Variants in NPFFR1 observed in about 807,000 individuals in gnomAD.
NPFFR1 encodes neuropeptide FF receptor 1.
Under a neutral mutation model 12.7 loss-of-function variants are expected in NPFFR1, and 17 were observed. The ratio of observed to expected loss-of-function variants is 1.34; its 90% CI spans 0.92 to 2.01. The LOEUF (loss-of-function observed/expected upper bound fraction) is 2.01. NPFFR1 is among the 30% of genes most tolerant of loss of function. The probability of loss-of-function intolerance (pLI) is 0.00; values close to 1 mark genes in which losing one functional copy is unlikely to be tolerated. For missense variants in NPFFR1, 604 were observed against 606.5 expected, an observed-to-expected ratio of 1.00 and a Z score of 0.04; for synonymous variants, 296 against 264.5, an observed-to-expected ratio of 1.12 and a Z score of -1.16.
intron 3 of NPFFR1, among the ~76,000 whole-genome samples, chr10:70,259,396 G>A (rs1840611433): frequency 6.6e-6 from 1 of 152,224 alleles, no homozygotes; most frequent in Non-Finnish European, 1.5e-5. Flanking sequence ...ATGGGTGGAG[G>A]AGAATCTTGG....
rs761449445 is a variant in NPFFR1 at position 70,255,075 on chromosome 10, C to G, written c.1175G>C (p.Gly392Ala). The change falls in exon 4 of 4, where the codon GGG becomes GCG. Residue 392 changes from glycine to alanine, a missense_variant. Gly to Ala is a moderately conservative substitution (Grantham distance 60). Transcript: ENST00000277942. This position sits in a 1 kb window ranked among gnomAD's most constrained non-coding sequence, Gnocchi z 4.2. Reference sequence around the variant, plus strand: ...CGGGAGGCGGCCGGGCCTGGGGGCCCCACTGCTAGGGCCCGACTCAGAGGG... The same window carrying G: ...CGGGAGGCGGCCGGGCCTGGGGGCCGCACTGCTAGGGCCCGACTCAGAGGG... ...GLPSESGPSSGAPRPGRLPLR... is the reference protein window; with the variant it reads ...GLPSESGPSSAAPRPGRLPLR... 2 of 1,443,334 alleles carry G rather than the reference C, an allele frequency of 1.4e-6. No individual in the cohort carries two copies. The highest frequency in any genetic ancestry group is 2.6e-5 in the East Asian group (1 of 38,092). The allele number at this position is 1,443,334 out of a possible 1,614,324, so 89.4% of individuals were successfully genotyped here.
rs1999624 is a variant in NPFFR1, at chr10:70,255,023, G to A, written c.1227C>T (p.His409=). 0.042 allele frequency: 60,806 copies of A among 1,441,052 alleles called. 1,573 individuals carry two copies. Among genetic ancestry groups the A allele is most frequent in the East Asian group, 0.099 (3,734 of 37,852 alleles). 89.3% of individuals were successfully genotyped at this position (1,441,052 alleles called of 1,614,324 possible). ...AGCCAGGCCCTTCCCTGGGCAAGCC[G>A]TGGTGAGCCACCCGCCCATTCCGCA... The part of the protein sequence containing the change: ...LPLRNGRVAH[H]GLPREGPGCS... The change falls in exon 4 of 4, where the codon CAC becomes CAT. Residue 409 remains histidine (H), a synonymous_variant. Transcript: ENST00000277942. The surrounding 1 kb of genome is among the most constrained non-coding windows in gnomAD (Gnocchi z 4.2).
In NPFFR1 at chr10:70,265,947, C is replaced by T. The variant is rs147718969; in HGVS notation, c.322+130G>A. On this transcript the variant is annotated intron_variant, in intron 2 of 3. Transcript: ENST00000277942. ...CAGCCCCAAGACTGTCTTGAGAGTT[C>T]GAGACCACGGCATGGCCAAGAGGCC... is the stretch of plus-strand genomic sequence containing the variant. The T allele has an allele frequency of 4.2e-4, 330 of 793,334 alleles. 2 individuals carry two copies. The African/African-American group carries it at 4.6e-3, about 11-fold the overall frequency. The allele number at this position is 793,334 out of a possible 1,614,324, so 49.1% of individuals were successfully genotyped here. A position where few individuals can be genotyped will look rare whatever the true frequency, so the allele number is the denominator to read the frequency against.
At chr10:70,270,764 C>A (rs1033966990) in intron 1 of NPFFR1, among the ~76,000 whole-genome samples, 19 of 152,198 alleles carry the variant, frequency 1.2e-4, no homozygotes, top group African/African-American at 4.6e-4. Flanking sequence ...TTGGATTTGT[C>A]CTTCCTGGGA....
intron 1 of NPFFR1, among the ~76,000 whole-genome samples, chr10:70,273,648 G>C (rs1046164572): frequency 2.0e-5 from 3 of 152,106 alleles, no homozygotes; most frequent in Non-Finnish European, 4.4e-5. Context: ...TTGAGGGACC[G>C]TCCATCAGGT....
rs368051663 is a variant in NPFFR1 at position 70,266,247 on chromosome 10, G to T, written c.152C>A (p.Ala51Glu). 1 of 1,613,954 alleles carries T rather than the reference G, an allele frequency of 6.2e-7. No individual in the cohort carries two copies. Among genetic ancestry groups the T allele is most frequent in the Admixed American group, 1.7e-5 (1 of 60,010 alleles). ...PVAAMFIVAY[A>E]LIFLLCMVGN... is the part of the protein sequence containing the mutation. ...CACCATGCAGAGCAGGAAGATGAGCGCATAGGCCACAATGAACATGGCCGC... is the reference window on the plus strand; with the variant it reads ...CACCATGCAGAGCAGGAAGATGAGCTCATAGGCCACAATGAACATGGCCGC... The change falls in exon 2 of 4, where the codon GCG becomes GAG. Residue 51 changes from alanine (A) to glutamate (E), a missense_variant. Physicochemically the swap from Ala to Glu is moderately radical, Grantham distance 107. Coordinates refer to ENST00000277942, the MANE Select transcript of NPFFR1 (RefSeq NM_022146.5).
In NPFFR1 at chr10:70,247,803, C is replaced by T. The variant is rs1840464793; in HGVS notation, c.*7154G>A. On this transcript the variant is annotated 3_prime_UTR_variant, in exon 4 of 4. Transcript: ENST00000277942. Reference sequence around the variant, plus strand: ...ATTGCAGCTAGCAGGAGAACACAAACAACTCAAGGCAGGACGCTACAGCCA... The same window carrying T: ...ATTGCAGCTAGCAGGAGAACACAAATAACTCAAGGCAGGACGCTACAGCCA... The T allele has an allele frequency of 6.6e-6, 1 of 152,258 alleles. No homozygotes were observed. The highest frequency in any genetic ancestry group is 1.5e-5 in the Non-Finnish European group (1 of 68,068). 9.4% of individuals were successfully genotyped at this position (152,258 alleles called of 1,614,324 possible).
intron 1 of NPFFR1, among the ~76,000 whole-genome samples, chr10:70,272,272 GA>G (rs1390048350): frequency 1.7e-5 from 2 of 115,090 alleles, no homozygotes; most frequent in Non-Finnish European, 3.8e-5. Flanking sequence ...ATAATAGAAA[GA>G]AAACAATCCC....
chr10:70,255,599 G>A lies in NPFFR1; in HGVS notation c.651C>T (p.Thr217=). The A allele has an allele frequency of 1.9e-6, 3 of 1,558,144 alleles. No homozygotes were observed. Among genetic ancestry groups the A allele is most frequent in the Non-Finnish European group, 2.6e-6 (3 of 1,151,258 alleles). The change falls in exon 4 of 4, where the codon ACC becomes ACT. Residue 217 remains threonine (T), a synonymous_variant. Transcript: ENST00000277942. The surrounding 1 kb of genome is among the most constrained non-coding windows in gnomAD (Gnocchi z 4.2). The part of the protein sequence containing the change: ...WPEKGMRRVY[T]TVLFSHIYLA... ...GGTAGATGTGCGAGAAGAGCACAGT[G>A]GTGTAGACCCTGCGCATGCCCTTCT...
Position 70,254,919 on chromosome 10 carries a change from G to A in NPFFR1, c.*38C>T. ...GCCTGCATGTATCTCGTGTCCAATCGGGGCCCTGAGGCAGCGTCCCGCCCT... is the reference window on the plus strand; with the variant it reads ...GCCTGCATGTATCTCGTGTCCAATCAGGGCCCTGAGGCAGCGTCCCGCCCT... On this transcript the variant is annotated 3_prime_UTR_variant, in exon 4 of 4. Transcript: ENST00000277942. 1 of 1,383,012 alleles carries A rather than the reference G, an allele frequency of 7.2e-7. No individual in the cohort carries two copies. Among genetic ancestry groups the A allele is most frequent in the East Asian group, 2.9e-5 (1 of 34,882 alleles). 85.7% of individuals were successfully genotyped at this position (1,383,012 alleles called of 1,614,324 possible).
Position 70,255,034 on chromosome 10 carries a change from C to T in NPFFR1, c.1216G>A (p.Val406Met), listed in dbSNP as rs1018541634. The change falls in exon 4 of 4, where the codon GTG (valine) becomes ATG (methionine). Residue 406 changes from valine to methionine, a missense_variant. Transcript: ENST00000277942. This position sits in a 1 kb window ranked among gnomAD's most constrained non-coding sequence, Gnocchi z 4.2. Reference sequence around the variant, plus strand: ...TCCCTGGGCAAGCCGTGGTGAGCCACCCGCCCATTCCGCAGCGGGAGGCGG... The same window carrying T: ...TCCCTGGGCAAGCCGTGGTGAGCCATCCGCCCATTCCGCAGCGGGAGGCGG... ...PGRLPLRNGRVAHHGLPREGP... is the reference protein window; with the variant it reads ...PGRLPLRNGRMAHHGLPREGP... 5.6e-6 allele frequency: 8 copies of T among 1,440,738 alleles called. No homozygotes were observed. In the Admixed American group the frequency reaches 1.5e-4, roughly 26 times the overall value. The allele number at this position is 1,440,738 out of a possible 1,614,324, so 89.2% of individuals were successfully genotyped here.
Position 70,247,549 on chromosome 10 carries a change from C to G in NPFFR1, c.*7408G>C, listed in dbSNP as rs749822923. On this transcript the variant is annotated 3_prime_UTR_variant, in exon 4 of 4. Coordinates refer to ENST00000277942, the MANE Select transcript of NPFFR1 (RefSeq NM_022146.5). ...AATGTAGATCGCTCAGTCACTGAAA[C>G]GGATTGACTTGGCTGTTCTAACTTC... 6.6e-6 allele frequency: 1 copy of G among 152,146 alleles called. No homozygotes were observed. The highest frequency in any genetic ancestry group is 1.5e-5 in the Non-Finnish European group (1 of 68,036). 9.4% of individuals were successfully genotyped at this position (152,146 alleles called of 1,614,324 possible).
chr10:70,283,132 T>TTTGTG (rs1554833974), intron 1 of NPFFR1, among the ~76,000 whole-genome samples: 11,592 of 149,576 alleles, frequency 0.077, 450 homozygotes, highest in African/African-American at 0.097. Flanking sequence ...CTCTCTCTTT[T>TTTGTG]TGTGTGTGTG....
chr10:70,265,700 G>A (rs562486715), intron 2 of NPFFR1, among the ~76,000 whole-genome samples: 51 of 152,330 alleles, frequency 3.3e-4, no homozygotes, highest in African/African-American at 1.2e-3. Context: ...AGAAGTATGG[G>A]TGTGAGAATG....
chr10:70,269,955 G>A lies in NPFFR1; in HGVS notation c.8-3564C>T, dbSNP rs1406181151. The stretch of plus-strand genomic sequence containing the variant: ...GCACTCCTGCTTCTTCCAACCCCAG[G>A]GCCTTTGCTCGTCCCTTCCTTTAGC... On this transcript the variant is annotated intron_variant, in intron 1 of 3. Coordinates refer to ENST00000277942, the MANE Select transcript of NPFFR1 (RefSeq NM_022146.5). Among the ~76,000 whole-genome samples, 4 of 152,036 alleles carry A rather than the reference G, an allele frequency of 2.6e-5. No individual in the cohort carries two copies. In the East Asian group the frequency reaches 7.7e-4, roughly 29 times the overall value.
chr10:70,282,563 G>A lies in NPFFR1; in HGVS notation c.7+1107C>T, dbSNP rs148606023. ...CTTGATTTTATTTTTTAACAGCAGTGTTTGCAATTACTAATTGGAATTTTG... is the reference window on the plus strand; with the variant it reads ...CTTGATTTTATTTTTTAACAGCAGTATTTGCAATTACTAATTGGAATTTTG... On this transcript the variant is annotated intron_variant, in intron 1 of 3. Coordinates refer to ENST00000277942, the MANE Select transcript of NPFFR1 (RefSeq NM_022146.5). Among the ~76,000 whole-genome samples the A allele has an allele frequency of 8.5e-5, 13 of 152,276 alleles. 1 individual carries two copies. The highest frequency in any genetic ancestry group is 2.9e-4 in the African/African-American group (12 of 41,544).
intron 1 of NPFFR1, among the ~76,000 whole-genome samples, chr10:70,272,610 G>A (rs1412984279): frequency 6.6e-6 from 1 of 152,216 alleles, no homozygotes; most frequent in Admixed American, 6.5e-5. Context: ...TCATCAAACA[G>A]ATTTTTGCTT....
Position 70,283,931 on chromosome 10 carries a change from C to T in NPFFR1, c.-255G>A, listed in dbSNP as rs1840888388. 6.6e-6 allele frequency among the ~76,000 whole-genome samples: 1 copy of T among 152,136 alleles called. No individual in the cohort carries two copies. ...GCTGCTGCCCGCAGGGCTCAGCCGC[C>T]CGCCGCCCCTCGCCTCCCGACCAGG... On this transcript the variant is annotated 5_prime_UTR_variant, in exon 1 of 4. Coordinates refer to ENST00000277942, the MANE Select transcript of NPFFR1 (RefSeq NM_022146.5).
chr10:70,272,251 G>GAAAGAAAGAAAGAAAGAAAGA (rs11447906), intron 1 of NPFFR1, among the ~76,000 whole-genome samples: 2 of 45,500 alleles, frequency 4.4e-5, no homozygotes, highest in African/African-American at 1.5e-4. Flanking sequence ...AAAGAAGAAA[G>GAAAGAAAGAAAGAAAGAAAGA]AAGAAAGAAA....
Sources: allele counts gnomAD v4.1 joint callset (sites outside exome capture counted in the v4.1 genomes callset), GRCh38; gene constraint gnomAD v4.1.1; non-coding constraint Gnocchi (gnomAD v3.1); transcripts MANE v1.5; gene names NCBI Gene and HGNC (gene_info 2026-07-23, HGNC 2026-07-21).